Variants in RPS6KA2 observed in about 807,000 individuals in gnomAD.
RPS6KA2 encodes the protein ribosomal protein S6 kinase A2.
Under a neutral mutation model 91.8 loss-of-function variants are expected in RPS6KA2, and 42 were observed. The observed-to-expected ratio is 0.46, with a 90% CI of 0.36 to 0.59. The LOEUF (loss-of-function observed/expected upper bound fraction) is 0.59, where lower values mean the gene tolerates loss of function less well. Ranked by LOEUF, RPS6KA2 falls within the 20% of genes least tolerant of loss-of-function variation. The pLI, the probability that RPS6KA2 is intolerant of heterozygous loss-of-function variation, is 0.00. For synonymous variants in RPS6KA2, 414 were observed against 393.6 expected, an observed-to-expected ratio of 1.05 and a Z score of -0.61; for missense variants, 798 against 978.5, an observed-to-expected ratio of 0.82 and a Z score of 2.46.
intron 1 of RPS6KA2, among the ~76,000 whole-genome samples, chr6:166,570,568 T>C (rs756081724): frequency 6.6e-6 from 1 of 152,218 alleles, no homozygotes; most frequent in Admixed American, 6.5e-5. Context: ...ACTACAAATA[T>C]AGCTCTAAGG....
At position 166,612,481 on chromosome 6, in the gene RPS6KA2, C is replaced by T. The variant is rs192155963; in HGVS notation, c.99+14440G>A. ...TCCTGCAGACCCCTGGCTCCCCTCG[C>T]GGGCTTGCAACCAGGCACTCTTCCT... On this transcript the variant is annotated intron_variant, in intron 1 of 20. Transcript: ENST00000265678. This position sits in a 1 kb window ranked among gnomAD's most constrained non-coding sequence, Gnocchi z 4.3. Among the ~76,000 whole-genome samples, 4 of 152,290 alleles carry T rather than the reference C, an allele frequency of 2.6e-5. No individual in the cohort carries two copies. Among genetic ancestry groups the T allele is most frequent in the African/African-American group, 7.2e-5 (3 of 41,566 alleles).
chr6:166,836,237 G>C (rs960303678), intron 2 of RPS6KA2, among the ~76,000 whole-genome samples: 3 of 151,926 alleles, frequency 2.0e-5, no homozygotes, highest in African/African-American at 4.8e-5. Flanking sequence ...CTTTGCACGG[G>C]TTTTAGTATC....
chr6:166,845,042 A>G (rs1780572961), intron 2 of RPS6KA2, among the ~76,000 whole-genome samples: 2 of 152,218 alleles, frequency 1.3e-5, no homozygotes, highest in African/African-American at 4.8e-5. Flanking sequence ...AATGCATACC[A>G]AAAGCAAGCA....
rs886450749 is a variant in RPS6KA2 at position 166,508,574 on chromosome 6, C to T, written c.380-292G>A. Reference sequence around the variant, plus strand: ...AATCACAAAGGAATTGAAAGATACACGGGGAGAAAGATGTGAATATTTAAG... The same window carrying T: ...AATCACAAAGGAATTGAAAGATACATGGGGAGAAAGATGTGAATATTTAAG... On this transcript the variant is annotated intron_variant, in intron 4 of 20. Transcript: ENST00000265678. The surrounding 1 kb of genome is among the most constrained non-coding windows in gnomAD (Gnocchi z 4.3). 1.3e-5 allele frequency among the ~76,000 whole-genome samples: 2 copies of T among 152,096 alleles called. No individual in the cohort carries two copies. The highest frequency in any genetic ancestry group is 2.4e-5 in the African/African-American group (1 of 41,414).
chr6:166,639,355 G>A lies in RPS6KA2; in HGVS notation c.124-100571C>T, dbSNP rs1316381648. ...GCCTTCTACATGTTTTCCCCGTCTTGCCTTCTTTCCAACCCTGCCCTCCAT... is the reference window on the plus strand; with the variant it reads ...GCCTTCTACATGTTTTCCCCGTCTTACCTTCTTTCCAACCCTGCCCTCCAT... On this transcript the variant is annotated intron_variant, in intron 2 of 21. Coordinates refer to the RPS6KA2 transcript ENST00000503859. The surrounding 1 kb of genome is among the most constrained non-coding windows in gnomAD (Gnocchi z 4.2). Among the ~76,000 whole-genome samples the A allele has an allele frequency of 6.6e-6, 1 of 152,128 alleles. No homozygotes were observed. Among genetic ancestry groups the A allele is most frequent in the African/African-American group, 2.4e-5 (1 of 41,424 alleles).
chr6:166,514,163 C>A (rs903486818), intron 3 of RPS6KA2, among the ~76,000 whole-genome samples: 1 of 152,156 alleles, frequency 6.6e-6, no homozygotes, highest in Non-Finnish European at 1.5e-5. Flanking sequence ...ACAATTCTTG[C>A]CGCTTGGCCT....
chr6:166,665,622 C>T lies in RPS6KA2; in HGVS notation c.124-126838G>A, dbSNP rs931768436. 1.3e-5 allele frequency among the ~76,000 whole-genome samples: 2 copies of T among 152,176 alleles called. No homozygotes were observed. The highest frequency in any genetic ancestry group is 3.9e-4 in the East Asian group (2 of 5,182). On this transcript the variant is annotated intron_variant, in intron 2 of 21. Transcript: ENST00000503859. This position sits in a 1 kb window ranked among gnomAD's most constrained non-coding sequence, Gnocchi z 4.5. ...GTTCTCTTCTGAAAGACTCCAGAGC[C>T]AGTGCGACCCTCATTAGAACAAGCA...
At chr6:166,484,826 T>C (rs997891672) in intron 10 of RPS6KA2, among the ~76,000 whole-genome samples, 4 of 152,276 alleles carry the variant, frequency 2.6e-5, no homozygotes, top group African/African-American at 9.6e-5. Context: ...ATTTAAAGGT[T>C]CTATTCCTTG....
rs35703068 is a variant in RPS6KA2, at chr6:166,453,231, A to AC, written c.1076-1999_1076-1998insG. Among the ~76,000 whole-genome samples the AC allele has an allele frequency of 3.4e-3, 325 of 96,442 alleles. 3 individuals carry two copies. Among genetic ancestry groups the AC allele is most frequent in the Admixed American group, 7.2e-3 (64 of 8,888 alleles). The allele number at this position is 96,442 out of a possible 152,430, so 63.3% of individuals were successfully genotyped here. On this transcript the variant is annotated intron_variant, in intron 12 of 20. Coordinates refer to ENST00000265678, the MANE Select transcript of RPS6KA2 (RefSeq NM_021135.6). ...CACACACACACACACACACACACAC[A>AC]AAAAGGCTTTAAGACCAGCATAAGA...
chr6:166,530,433 G>A (rs1188708576), intron 3 of RPS6KA2, among the ~76,000 whole-genome samples: 1 of 152,218 alleles, frequency 6.6e-6, no homozygotes, highest in Non-Finnish European at 1.5e-5. Context: ...TTCCTAGGAA[G>A]CCTGCCTCTC....
intron 2 of RPS6KA2, among the ~76,000 whole-genome samples, chr6:166,638,668 T>G (rs148468950): frequency 5.2e-4 from 79 of 152,322 alleles, no homozygotes; most frequent in Non-Finnish European, 1.0e-3. Flanking sequence ...TGGCTGAAAT[T>G]CTGAGTCTCT....
chr6:166,737,274 CT>C lies in RPS6KA2; in HGVS notation c.123+120925del, dbSNP rs1790694345. Among the ~76,000 whole-genome samples the C allele has an allele frequency of 6.6e-6, 1 of 152,182 alleles. No individual in the cohort carries two copies. The highest frequency in any genetic ancestry group is 1.5e-5 in the Non-Finnish European group (1 of 68,040). ...TTTAGAAGCAAATAAATCTGCAAGGCTATTGGCGTCTCTCCCTAATAAATCG... is the reference window on the plus strand; with the variant it reads ...TTTAGAAGCAAATAAATCTGCAAGGCATTGGCGTCTCTCCCTAATAAATCG... On this transcript the variant is annotated intron_variant, in intron 2 of 21. Coordinates refer to the RPS6KA2 transcript ENST00000503859. This position sits in a 1 kb window ranked among gnomAD's most constrained non-coding sequence, Gnocchi z 4.3.
chr6:166,425,198 T>C (rs59153074), intron 16 of RPS6KA2, among the ~76,000 whole-genome samples: 1,646 of 152,296 alleles, frequency 0.011, 27 homozygotes, highest in African/African-American at 0.036. Context: ...GTCTGCTGCC[T>C]TAGAAACACA....
At chr6:166,625,065 C>T (rs1045844107) in intron 1 of RPS6KA2, among the ~76,000 whole-genome samples, 7 of 152,072 alleles carry the variant, frequency 4.6e-5, no homozygotes, top group African/African-American at 1.7e-4. Context: ...ATCTCCTGAC[C>T]TCATAATCCG....
intron 1 of RPS6KA2, among the ~76,000 whole-genome samples, chr6:166,561,854 C>G (rs536226796): frequency 6.6e-6 from 1 of 152,192 alleles, no homozygotes; most frequent in Non-Finnish European, 1.5e-5. Context: ...GGAGCAATCA[C>G]AGAGAAGCAA....
At chr6:166,645,607 C>T (rs936166645) in intron 2 of RPS6KA2, among the ~76,000 whole-genome samples, 2 of 152,200 alleles carry the variant, frequency 1.3e-5, no homozygotes, top group African/African-American at 4.8e-5. Context: ...CTGGAGCAGC[C>T]CTGCCATGCT....
chr6:166,635,919 T>G lies in RPS6KA2; in HGVS notation c.124-97135A>C, dbSNP rs569359099. 1.3e-5 allele frequency among the ~76,000 whole-genome samples: 2 copies of G among 152,318 alleles called. No individual in the cohort carries two copies. Among genetic ancestry groups the G allele is most frequent in the East Asian group, 3.9e-4 (2 of 5,182 alleles). ...CCAGGACAAGCCACCAACCCTACTC[T>G]AGACCAGGGTGGTCACCTGCTAGCT... On this transcript the variant is annotated intron_variant, in intron 2 of 21. Transcript: ENST00000503859. The surrounding 1 kb of genome is among the most constrained non-coding windows in gnomAD (Gnocchi z 4.8).
rs185041754 is a variant in RPS6KA2 at position 166,490,331 on chromosome 6, C to G, written c.818+340G>C. On this transcript the variant is annotated intron_variant, in intron 9 of 20. Transcript: ENST00000265678. The surrounding 1 kb of genome is among the most constrained non-coding windows in gnomAD (Gnocchi z 4.2). ...ACTTCTGGGAGGTCACCAACCATCA[C>G]GCTTGAAAACCAGCCACTACACATT... Among the ~76,000 whole-genome samples, 9 of 152,008 alleles carry G rather than the reference C, an allele frequency of 5.9e-5. No homozygotes were observed. The highest frequency in any genetic ancestry group is 2.2e-4 in the African/African-American group (9 of 41,364).
chr6:166,444,164 T>C lies in RPS6KA2; in HGVS notation c.1332+4560A>G, dbSNP rs545962257. On this transcript the variant is annotated intron_variant, in intron 14 of 20. Transcript: ENST00000265678. The stretch of plus-strand genomic sequence containing the variant: ...CCTCTCTCAATTCTTATAAAGTGAA[T>C]ACAGCATCTTTGATGGAATAGGAAT... Among the ~76,000 whole-genome samples the C allele has an allele frequency of 1.8e-3, 272 of 152,352 alleles. 1 individual carries two copies. Among genetic ancestry groups the C allele is most frequent in the African/African-American group, 6.1e-3 (253 of 41,582 alleles).
Sources: allele counts gnomAD v4.1 joint callset (sites outside exome capture counted in the v4.1 genomes callset), GRCh38; gene constraint gnomAD v4.1.1; non-coding constraint Gnocchi (gnomAD v3.1); transcripts MANE v1.5; gene names NCBI Gene and HGNC (gene_info 2026-07-23, HGNC 2026-07-21).